The following TSPEAR variants were observed in gnomAD, a reference collection of about 807,000 sequenced individuals.
The protein encoded by TSPEAR is thrombospondin-type laminin G domain and EAR repeat-containing protein.
Under a neutral mutation model 71.6 loss-of-function variants are expected in TSPEAR, and 69 were observed. That is an observed-to-expected ratio of 0.96 (90% CI 0.79 to 1.18). The LOEUF is 1.18. Ranked by LOEUF, TSPEAR falls within the 50% of genes most tolerant of loss-of-function variation. TSPEAR has a pLI of 0.00. For missense variants in TSPEAR, 971 were observed against 894.9 expected (o/e 1.09, Z -1.09); for synonymous variants, 402 against 387.2 (o/e 1.04, Z -0.45).
At chr21:44,528,380 A>C in intron 6 of TSPEAR, 72 bp downstream of exon 6, 1 of 1,598,500 alleles carries the variant, frequency 6.3e-7, no homozygotes, top group Non-Finnish European at 8.5e-7. Context: ...CCCCTCTCCT[A>C]GCCTCCACTC....
At chr21:44,616,629 T>C (rs1982114356) in intron 1 of TSPEAR, among the ~76,000 whole-genome samples, 1 of 152,194 alleles carries the variant, frequency 6.6e-6, no homozygotes, top group African/African-American at 2.4e-5. Flanking sequence ...CCTGGCTTTG[T>C]TTACCTGGAA....
intron 1 of TSPEAR, among the ~76,000 whole-genome samples, chr21:44,689,451 GA>G (rs1269326195): frequency 1.3e-5 from 2 of 150,752 alleles, no homozygotes; most frequent in Non-Finnish European, 2.9e-5. Flanking sequence ...GCAGTGAGCT[GA>G]GATCATGCCA....
chr21:44,504,197 GGAAGCAAGA>G, intron 11 of TSPEAR, among the ~76,000 whole-genome samples: 1 of 141,898 alleles, frequency 7.0e-6, no homozygotes, highest in African/African-American at 2.6e-5. Flanking sequence ...CCCACAGTGG[GGAAGCAAGA>G]CTCTGGGAGG....
intron 9 of TSPEAR, among the ~76,000 whole-genome samples, chr21:44,513,718 G>C (rs1555913009): frequency 6.6e-6 from 1 of 152,198 alleles, no homozygotes; most frequent in Non-Finnish European, 1.5e-5. Context: ...TTGGGTTCCG[G>C]CTTTGATAGG....
chr21:44,512,104 G>C (rs782471470), intron 9 of TSPEAR, among the ~76,000 whole-genome samples: 12 of 152,252 alleles, frequency 7.9e-5, no homozygotes, highest in Non-Finnish European at 1.0e-4. Context: ...CTGCAGGACA[G>C]ACACACAGGA....
intron 1 of TSPEAR, among the ~76,000 whole-genome samples, chr21:44,595,015 T>G (rs1980269042): frequency 6.6e-6 from 1 of 152,034 alleles, no homozygotes; most frequent in Non-Finnish European, 1.5e-5. Flanking sequence ...AGAGACAGGG[T>G]TTCACCATGT....
At chr21:44,590,115 C>G (rs587700930) in intron 1 of TSPEAR, among the ~76,000 whole-genome samples, 1 of 152,364 alleles carries the variant, frequency 6.6e-6, no homozygotes, top group East Asian at 1.9e-4. Flanking sequence ...CCACAGGGAG[C>G]TCCATGGGGT....
At chr21:44,529,335 C>T (rs376790273) in intron 5 of TSPEAR, among the ~76,000 whole-genome samples, 11 of 152,150 alleles carry the variant, frequency 7.2e-5, no homozygotes, top group South Asian at 4.1e-4. Flanking sequence ...CCCTCTGGGC[C>T]GGGGGATCGT....
At position 44,612,449 on chromosome 21, in the gene TSPEAR, G is replaced by A; in HGVS notation, c.83-44444C>T. The A allele has an allele frequency of 1.2e-6, 2 of 1,611,374 alleles. No homozygotes were observed. Among genetic ancestry groups the A allele is most frequent in the Non-Finnish European group, 8.5e-7 (1 of 1,179,270 alleles). On this transcript the variant is annotated intron_variant, in intron 1 of 11. Coordinates refer to ENST00000323084, the MANE Select transcript of TSPEAR (RefSeq NM_144991.3). The surrounding 1 kb of genome is among the most constrained non-coding windows in gnomAD (Gnocchi z 4.1). ...CTGCACCTCCTCCCCCTGCCAACAG[G>A]CCTGCTGTGTGCCTGTGTGCTGCAA... is the stretch of plus-strand genomic sequence containing the variant.
Position 44,527,424 on chromosome 21 carries a change from C to T in TSPEAR, c.1017G>A (p.Gly339=), listed in dbSNP as rs368960439. Residue 339 remains glycine, a synonymous_variant, in exon 7 of 12, where the codon GGG becomes GGA. Transcript: ENST00000323084. ...GIEVFRIPQV[G]LFVATANRKA... is the part of the protein sequence containing the mutation. ...TGCGATTGGCTGTGGCCACAAAGAGCCCCACCTGAGGGATGCGGAACACCT... is the reference window on the plus strand; with the variant it reads ...TGCGATTGGCTGTGGCCACAAAGAGTCCCACCTGAGGGATGCGGAACACCT... 3.8e-5 allele frequency: 61 copies of T among 1,614,100 alleles called. 1 individual carries two copies. The South Asian group carries it at 5.9e-4, about 16-fold the overall frequency.
intron 1 of TSPEAR, among the ~76,000 whole-genome samples, chr21:44,673,695 C>T (rs1350038493): frequency 6.6e-6 from 1 of 152,130 alleles, no homozygotes; most frequent in Non-Finnish European, 1.5e-5. Flanking sequence ...TTATTCAGGA[C>T]AGACCCTATG....
chr21:44,613,583 G>T (rs587723213), intron 1 of TSPEAR, among the ~76,000 whole-genome samples: 44 of 152,254 alleles, frequency 2.9e-4, no homozygotes, highest in Admixed American at 2.5e-3. Context: ...CCTGTGTGCC[G>T]CCCGCCCGAG....
At position 44,710,424 on chromosome 21, in the gene TSPEAR, C is replaced by A. The variant is rs1475470703; in HGVS notation, c.82+1009G>T. On this transcript the variant is annotated intron_variant, in intron 1 of 11. Coordinates refer to ENST00000323084, the MANE Select transcript of TSPEAR (RefSeq NM_144991.3). The surrounding 1 kb of genome is among the most constrained non-coding windows in gnomAD (Gnocchi z 4.6). ...CAGGCACGTTTATGACCCCCACCCC[C>A]ACCCCCACCCCCCACGCGAGTCAGC... Among the ~76,000 whole-genome samples, 1 of 151,912 alleles carries A rather than the reference C, an allele frequency of 6.6e-6. No individual in the cohort carries two copies. Among genetic ancestry groups the A allele is most frequent in the Non-Finnish European group, 1.5e-5 (1 of 67,926 alleles).
At chr21:44,694,238 AAAG>A (rs1432929901) in intron 1 of TSPEAR, among the ~76,000 whole-genome samples, 1 of 152,276 alleles carries the variant, frequency 6.6e-6, no homozygotes, top group Non-Finnish European at 1.5e-5. Flanking sequence ...CATAAAAATG[AAAG>A]AAGTCCTGAC....
In TSPEAR at chr21:44,623,138, T is replaced by C. The variant is rs772940142; in HGVS notation, c.83-55133A>G. Among the ~76,000 whole-genome samples, 43 of 152,170 alleles carry C rather than the reference T, an allele frequency of 2.8e-4. No individual in the cohort carries two copies. Among genetic ancestry groups the C allele is most frequent in the Non-Finnish European group, 5.3e-4 (36 of 68,046 alleles). On this transcript the variant is annotated intron_variant, in intron 1 of 11. Transcript: ENST00000323084. The surrounding 1 kb of genome is among the most constrained non-coding windows in gnomAD (Gnocchi z 4.5). ...ATGAGCCAACTAAACTTTCGTCTTA[T>C]AAATTACCCAGTCTCAAATATTTCT...
At chr21:44,683,473 C>G (rs1480065644) in intron 1 of TSPEAR, among the ~76,000 whole-genome samples, 1 of 151,194 alleles carries the variant, frequency 6.6e-6, no homozygotes, top group Non-Finnish European at 1.5e-5. Flanking sequence ...TCAGACCAGC[C>G]TGGGCAACAT....
chr21:44,524,545 A>T (rs1555914690), intron 8 of TSPEAR, among the ~76,000 whole-genome samples: 1 of 151,894 alleles, frequency 6.6e-6, no homozygotes, highest in African/African-American at 2.4e-5. Context: ...TCAGTAAGGT[A>T]ACCAGTCAGT....
intron 1 of TSPEAR, chr21:44,702,327 C>T (rs1987691000): frequency 1.2e-6 from 2 of 1,609,854 alleles, no homozygotes; most frequent in South Asian, 2.2e-5. Flanking sequence ...CCTGCCTGAC[C>T]CTGGTCTGCA....
At chr21:44,677,675 A>C in intron 1 of TSPEAR, 1 of 1,406,536 alleles carries the variant, frequency 7.1e-7, no homozygotes, top group Non-Finnish European at 1.0e-6. Context: ...CGGTTGCTGA[A>C]GCTGGAGTAT....
Sources: allele counts gnomAD v4.1 joint callset (sites outside exome capture counted in the v4.1 genomes callset), GRCh38; gene constraint gnomAD v4.1.1; non-coding constraint Gnocchi (gnomAD v3.1); transcripts MANE v1.5; gene names NCBI Gene and HGNC (gene_info 2026-07-23, HGNC 2026-07-21).